The following TUSC3 variants were observed in gnomAD, a reference collection of about 807,000 sequenced individuals.
TUSC3 encodes the protein tumor suppressor candidate 3, also known as dolichyl-diphosphooligosaccharide--protein glycosyltransferase subunit TUSC3.
TUSC3 carries 45 observed loss-of-function variants against 44.8 expected under a neutral mutation model. The ratio of observed to expected loss-of-function variants is 1.00; its 90% CI spans 0.79 to 1.29. The LOEUF is 1.29. TUSC3 is among the 50% of genes most tolerant of loss of function. The probability of loss-of-function intolerance (pLI) is 0.00; values close to 1 mark genes in which losing one functional copy is unlikely to be tolerated. For synonymous variants in TUSC3, 212 were observed against 152.9 expected (o/e 1.39, Z -2.85); for missense variants, 519 against 437.9 (o/e 1.19, Z -1.65).
the TUSC3 span, among the ~76,000 whole-genome samples, chr8:15,786,715 C>T: frequency 7.8e-4 from 119 of 151,734 alleles, no homozygotes; most frequent in African/African-American, 2.8e-3. Context: ...GTGGCCGAGG[C>T]GGTGGATCAC....
chr8:15,832,537 C>A, the TUSC3 span, among the ~76,000 whole-genome samples: 19 of 152,060 alleles, frequency 1.2e-4, no homozygotes, highest in Non-Finnish European at 2.2e-4. Flanking sequence ...TTCAAGAGAC[C>A]CATCTCACAT....
the TUSC3 span, among the ~76,000 whole-genome samples, chr8:15,826,644 G>A: frequency 6.6e-6 from 1 of 152,134 alleles, no homozygotes; most frequent in South Asian, 2.1e-4. Context: ...ACCCAAATGA[G>A]AAGAAGCGAA....
chr8:15,838,111 C>T, the TUSC3 span, among the ~76,000 whole-genome samples: 1 of 152,190 alleles, frequency 6.6e-6, no homozygotes, highest in Non-Finnish European at 1.5e-5. Flanking sequence ...AGACCACCTC[C>T]TGCGAATATC....
At chr8:15,815,380 TATA>T in the TUSC3 span, among the ~76,000 whole-genome samples, 5 of 152,098 alleles carry the variant, frequency 3.3e-5, no homozygotes, top group Non-Finnish European at 5.9e-5. Context: ...CCCTGGGGAA[TATA>T]ATAAGTGATA....
intron 1 of TUSC3, among the ~76,000 whole-genome samples, chr8:15,424,407 A>G (rs1366650804): frequency 1.3e-5 from 2 of 152,154 alleles, no homozygotes; most frequent in Non-Finnish European, 2.9e-5. Flanking sequence ...AATCTGGACT[A>G]TGTCTAGAGG....
Position 15,432,156 on chromosome 8 carries a change from A to G in TUSC3, n.91+14851A>G, listed in dbSNP as rs143831057. On this transcript the variant is annotated intron_variant and non_coding_transcript_variant, in intron 1 of 5. Coordinates refer to the TUSC3 transcript ENST00000503191. ...AGTATGGAAGTGTTCCTCCTCCTCAATCATCTGGAAGAGTTGAGAAAGTGT... is the reference window on the plus strand; with the variant it reads ...AGTATGGAAGTGTTCCTCCTCCTCAGTCATCTGGAAGAGTTGAGAAAGTGT... Among the ~76,000 whole-genome samples, 741 of 152,050 alleles carry G rather than the reference A, an allele frequency of 4.9e-3. 8 individuals are homozygous for G. Among genetic ancestry groups the G allele is most frequent in the African/African-American group, 0.017 (706 of 41,522 alleles).
intron 7 of TUSC3, 129 bp from the exon 8 acceptor site, chr8:15,743,409 G>A: frequency 2.2e-6 from 2 of 920,976 alleles, no homozygotes; most frequent in Non-Finnish European, 3.6e-6. Flanking sequence ...GTTATATAAA[G>A]GTAATTGATT....
At chr8:15,648,445 G>A (rs1054517054) in intron 2 of TUSC3, among the ~76,000 whole-genome samples, 1 of 152,054 alleles carries the variant, frequency 6.6e-6, no homozygotes, top group Non-Finnish European at 1.5e-5. Flanking sequence ...ATAAGACGTT[G>A]GCTGGGCGCA....
At chr8:15,829,807 A>G in the TUSC3 span, among the ~76,000 whole-genome samples, 1 of 152,268 alleles carries the variant, frequency 6.6e-6, no homozygotes, top group South Asian at 2.1e-4. Flanking sequence ...TCCTTTGGGT[A>G]GATACCCAGT....
chr8:15,639,073 C>G (rs1476223699), intron 2 of TUSC3, among the ~76,000 whole-genome samples: 1 of 90,376 alleles, frequency 1.1e-5, no homozygotes, highest in Non-Finnish European at 2.2e-5. Context: ...TGCTGATGCT[C>G]GATCACGTGA....
chr8:15,659,364 A>G (rs1807317749), intron 3 of TUSC3, 143 bp from the exon 4 acceptor site: 2 of 1,009,938 alleles, frequency 2.0e-6, no homozygotes, highest in Non-Finnish European at 2.9e-6. Flanking sequence ...TAAGACAAAT[A>G]AAAACAGAAA....
At chr8:15,713,878 C>T (rs1320729093) in intron 6 of TUSC3, among the ~76,000 whole-genome samples, 1 of 152,122 alleles carries the variant, frequency 6.6e-6, no homozygotes, top group African/African-American at 2.4e-5. Context: ...CAATAATACT[C>T]AGTTGACATT....
intron 2 of TUSC3, among the ~76,000 whole-genome samples, chr8:15,638,527 T>TC (rs1806201927): frequency 7.6e-6 from 1 of 132,298 alleles, no homozygotes; most frequent in Non-Finnish European, 1.6e-5. Context: ...TTTTTTTTTT[T>TC]TTTTTTTTTT....
chr8:15,758,947 T>A (rs936356324), intron 10 of TUSC3, among the ~76,000 whole-genome samples: 7 of 152,174 alleles, frequency 4.6e-5, no homozygotes, highest in Non-Finnish European at 8.8e-5. Flanking sequence ...AGACCACTTG[T>A]TTTAGACTCA....
At chr8:15,823,086 G>C in the TUSC3 span, among the ~76,000 whole-genome samples, 1 of 152,106 alleles carries the variant, frequency 6.6e-6, no homozygotes, top group Admixed American at 6.5e-5. Context: ...TTGCCTTAAA[G>C]TTAAAAATAC....
the TUSC3 span, among the ~76,000 whole-genome samples, chr8:15,791,039 A>G: frequency 1.3e-5 from 2 of 152,162 alleles, no homozygotes; most frequent in Admixed American, 1.3e-4. Context: ...TCAAGGCCAA[A>G]AAGTGAATGA....
intron 3 of TUSC3, 71 bp downstream of exon 3, chr8:15,650,885 A>G (rs2129175697): frequency 6.7e-7 from 1 of 1,489,668 alleles, no homozygotes; most frequent in East Asian, 2.3e-5. Flanking sequence ...TTTGTCACAT[A>G]AAAATACAAT....
chr8:15,442,246 T>C (rs752681624), intron 1 of TUSC3, among the ~76,000 whole-genome samples: 22 of 152,132 alleles, frequency 1.4e-4, no homozygotes, highest in Non-Finnish European at 2.8e-4. Flanking sequence ...ATACCAATCA[T>C]GTATTTTATT....
chr8:15,711,462 ACGTGTGTG>A (rs1809847820), intron 6 of TUSC3, among the ~76,000 whole-genome samples: 1 of 74,804 alleles, frequency 1.3e-5, no homozygotes, highest in African/African-American at 4.7e-5. Context: ...ACAAAAAGGT[ACGTGTGTG>A]TGTGTGTGTG....
Sources: gnomAD v4.1 joint callset for allele counts (sites outside exome capture counted in the v4.1 genomes callset) on GRCh38, gnomAD v4.1.1 for gene constraint, MANE v1.5 for transcripts, NCBI Gene and HGNC (gene_info 2026-07-23, HGNC 2026-07-21) for gene names.